The following LYPLA1 variants were observed in gnomAD, a reference collection of about 807,000 sequenced individuals.
LYPLA1 encodes the protein acyl-protein thioesterase 1.
In LYPLA1, 17 loss-of-function variants were observed where a neutral mutation model predicts 34.0. The observed-to-expected ratio is 0.50, with a 90% CI of 0.34 to 0.75. LYPLA1 has a LOEUF of 0.75. LYPLA1 is among the 30% of genes least tolerant of loss of function. The pLI is 0.01. For synonymous variants in LYPLA1, 98 were observed against 100.8 expected, an observed-to-expected ratio of 0.97 and a Z score of 0.17; for missense variants, 203 against 288.8, an observed-to-expected ratio of 0.70 and a Z score of 2.15.
At chr8:54,050,367 G>T (rs541569246) in intron 8 of LYPLA1, among the ~76,000 whole-genome samples, 30 of 152,140 alleles carry the variant, frequency 2.0e-4, no homozygotes, top group Non-Finnish European at 4.0e-4. Context: ...CCTGTCTCTA[G>T]AATGTAGATC....
intron 5 of LYPLA1, among the ~76,000 whole-genome samples, chr8:54,061,372 C>G (rs763807932): frequency 1.3e-5 from 2 of 152,204 alleles, no homozygotes; most frequent in African/African-American, 4.8e-5. Flanking sequence ...TGAGCCACCA[C>G]GCCCGGCCGG....
At chr8:54,080,062 C>T (rs565051755) in intron 2 of LYPLA1, among the ~76,000 whole-genome samples, 3 of 152,168 alleles carry the variant, frequency 2.0e-5, no homozygotes, top group Non-Finnish European at 2.9e-5. Flanking sequence ...TTTGGGACTA[C>T]ACAGCCACTT....
At chr8:54,077,928 G>A (rs1808028218) in intron 2 of LYPLA1, among the ~76,000 whole-genome samples, 1 of 152,068 alleles carries the variant, frequency 6.6e-6, no homozygotes, top group African/African-American at 2.4e-5. Context: ...ATGGGTGTAA[G>A]TAAAAATTTA....
At chr8:54,074,536 G>A (rs1039497107) in intron 2 of LYPLA1, among the ~76,000 whole-genome samples, 5 of 152,146 alleles carry the variant, frequency 3.3e-5, no homozygotes, top group African/African-American at 1.2e-4. Flanking sequence ...ACCTTTTCCA[G>A]GACCTTTGAA....
chr8:54,084,124 G>GGAAAAAAAAAAAAAAAAAAA (rs1554547911), intron 2 of LYPLA1, among the ~76,000 whole-genome samples: 1 of 56,382 alleles, frequency 1.8e-5, no homozygotes, highest in African/African-American at 8.9e-5. Context: ...GGAGACCAAA[G>GGAAAAAAAAAAAAAAAAAAA]AAAAAAAAAA....
At chr8:54,083,055 C>T (rs778315279) in intron 2 of LYPLA1, among the ~76,000 whole-genome samples, 8 of 152,098 alleles carry the variant, frequency 5.3e-5, no homozygotes, top group African/African-American at 1.2e-4. Context: ...AATGAATGTT[C>T]GCAGACATCA....
chr8:54,091,499 A>G (rs560510508), intron 2 of LYPLA1, among the ~76,000 whole-genome samples: 86 of 151,660 alleles, frequency 5.7e-4, no homozygotes, highest in African/African-American at 2.1e-3. Context: ...AAAAGAAAAG[A>G]AAAGAAAAGG....
intron 2 of LYPLA1, among the ~76,000 whole-genome samples, chr8:54,083,189 G>C (rs59114404): frequency 0.13 from 19,801 of 152,124 alleles, 3,419 homozygotes; most frequent in African/African-American, 0.4. Context: ...GACAGAAATT[G>C]AAGACACCTC....
At chr8:54,089,339 A>G (rs1233692928) in intron 2 of LYPLA1, among the ~76,000 whole-genome samples, 4 of 152,172 alleles carry the variant, frequency 2.6e-5, no homozygotes, top group Non-Finnish European at 5.9e-5. Flanking sequence ...TCACATTCAC[A>G]TAACTTTTAT....
intron 2 of LYPLA1, among the ~76,000 whole-genome samples, chr8:54,080,011 T>G (rs947582839): frequency 1.3e-5 from 2 of 152,208 alleles, no homozygotes; most frequent in Non-Finnish European, 2.9e-5. Flanking sequence ...GATAACTAAA[T>G]AAGTTTTAAA....
At chr8:54,046,093 A>G (rs1242548684), downstream of LYPLA1, among the ~76,000 whole-genome samples, 2 of 152,150 alleles carry the variant, frequency 1.3e-5, no homozygotes, top group East Asian at 1.9e-4. Flanking sequence ...AAATTTAAAA[A>G]GAGTTAAGAA....
chr8:54,055,920 C>T (rs751044385), intron 5 of LYPLA1, among the ~76,000 whole-genome samples: 28 of 152,082 alleles, frequency 1.8e-4, no homozygotes, highest in Non-Finnish European at 3.7e-4. Context: ...GGATTACAGG[C>T]GTGAGCCACC....
At chr8:54,075,352 G>A (rs918373245) in intron 2 of LYPLA1, among the ~76,000 whole-genome samples, 7 of 152,198 alleles carry the variant, frequency 4.6e-5, no homozygotes, top group African/African-American at 1.2e-4. Flanking sequence ...ATCAACAGCC[G>A]ATTTGGATAC....
chr8:54,058,847 G>T (rs1218058929), intron 5 of LYPLA1, among the ~76,000 whole-genome samples: 1 of 152,098 alleles, frequency 6.6e-6, no homozygotes, highest in Non-Finnish European at 1.5e-5. Flanking sequence ...AGGATTACAG[G>T]TATGAGCAAC....
At chr8:54,054,867 C>G (rs1246354208) in intron 6 of LYPLA1, 193 bp downstream of exon 6, 2 of 523,004 alleles carry the variant, frequency 3.8e-6, no homozygotes, top group Non-Finnish European at 6.7e-6. Flanking sequence ...TACATGTGTA[C>G]ATGTGTATTA....
At chr8:54,081,942 C>T (rs2129351310) in intron 2 of LYPLA1, among the ~76,000 whole-genome samples, 1 of 152,196 alleles carries the variant, frequency 6.6e-6, no homozygotes, top group African/African-American at 2.4e-5. Context: ...GTTGGCCAGG[C>T]TGGTCCTGAA....
At chr8:54,048,298 A>G (rs781314710) in intron 8 of LYPLA1, among the ~76,000 whole-genome samples, 180 bp from the exon 9 acceptor site, 1 of 152,208 alleles carries the variant, frequency 6.6e-6, no homozygotes, top group Non-Finnish European at 1.5e-5. Context: ...ATTTCCTATC[A>G]TGATTATTGT....
chr8:54,061,795 A>AC (rs1402481475), intron 5 of LYPLA1, among the ~76,000 whole-genome samples: 2 of 152,136 alleles, frequency 1.3e-5, no homozygotes, highest in Non-Finnish European at 2.9e-5. Context: ...GGCAGGGGGT[A>AC]AAAGGAAGGA....
Position 54,062,258 on chromosome 8 carries a change from T to C in LYPLA1, c.282A>G (p.Glu94=). ...ATAAACATTTTCTGTACTTACTATT[T>C]TCTGCTGCCTGTTTAATCCCAGATT... ...EDESGIKQAA[E]NIKALIDQEV... is the part of the protein sequence containing the mutation. The change falls in exon 5 of 9, where the codon GAA becomes GAG. Residue 94 remains glutamate (E), a synonymous_variant. Transcript: ENST00000316963. 1 of 1,599,796 alleles carries C rather than the reference T, an allele frequency of 6.3e-7. No homozygotes were observed. The highest frequency in any genetic ancestry group is 8.5e-7 in the Non-Finnish European group (1 of 1,170,366).
Sources: allele counts gnomAD v4.1 joint callset (sites outside exome capture counted in the v4.1 genomes callset), GRCh38; gene constraint gnomAD v4.1.1; transcripts MANE v1.5; gene names NCBI Gene and HGNC (gene_info 2026-07-23, HGNC 2026-07-21).